The following PECAM1 variants were observed in gnomAD, a reference collection of about 807,000 sequenced individuals.
PECAM1 encodes platelet endothelial cell adhesion molecule.
In PECAM1, 8 loss-of-function variants were observed where a neutral mutation model predicts 13.8. That is an observed-to-expected ratio of 0.58 (90% CI 0.34 to 1.05). The LOEUF is 1.05. PECAM1 is among the 50% of genes least tolerant of loss of function. PECAM1 has a pLI of 0.03. For synonymous variants in PECAM1, 136 were observed against 52.6 expected (o/e 2.58, Z -6.86); for missense variants, 304 against 141.2 (o/e 2.15, Z -5.84).
At chr17:64,349,798 T>C (rs1168162782) in intron 12 of PECAM1, among the ~76,000 whole-genome samples, 2 of 151,864 alleles carry the variant, frequency 1.3e-5, no homozygotes, top group Non-Finnish European at 2.9e-5. Context: ...GGCAGGAGAA[T>C]TGCTTGAACC....
chr17:64,376,130 C>G (rs1315560608), intron 3 of PECAM1, among the ~76,000 whole-genome samples: 1 of 152,030 alleles, frequency 6.6e-6, no homozygotes, highest in Admixed American at 6.6e-5. Context: ...ATGGCGAAAC[C>G]CCATCTCTAT....
chr17:64,372,592 T>C (rs1300426773), intron 4 of PECAM1, among the ~76,000 whole-genome samples: 1 of 151,984 alleles, frequency 6.6e-6, no homozygotes, highest in Non-Finnish European at 1.5e-5. Flanking sequence ...AACCTCCACC[T>C]TCCAGGTTCA....
chr17:64,341,886 A>C (rs973258987), intron 13 of PECAM1, among the ~76,000 whole-genome samples, 196 bp from the exon 14 acceptor site: 2 of 152,122 alleles, frequency 1.3e-5, no homozygotes, highest in Non-Finnish European at 2.9e-5. Context: ...AAGGTGGCTC[A>C]TACCTGTAAT....
In PECAM1 at chr17:64,320,838, G is replaced by A. The variant is rs528491772; in HGVS notation, c.*2978C>T. 1 of 152,294 alleles carries A rather than the reference G, an allele frequency of 6.6e-6. No individual in the cohort carries two copies. Among genetic ancestry groups the A allele is most frequent in the East Asian group, 1.9e-4 (1 of 5,186 alleles). 9.4% of individuals were successfully genotyped at this position (152,294 alleles called of 1,614,324 possible). A position where few individuals can be genotyped will look rare whatever the true frequency, so the allele number is the denominator to read the frequency against. On this transcript the variant is annotated 3_prime_UTR_variant, in exon 16 of 16. Transcript: ENST00000563924. The stretch of plus-strand genomic sequence containing the variant: ...CAACCTGGCCATTATTGGCATTTGG[G>A]ACTTGATCATGCTTGGTCGTGGGAG...
chr17:64,330,713 A>C (rs1555646544), intron 14 of PECAM1, among the ~76,000 whole-genome samples: 2 of 151,800 alleles, frequency 1.3e-5, no homozygotes, highest in Non-Finnish European at 2.9e-5. Context: ...GTAGCAGATA[A>C]AAATGATATC....
At chr17:64,364,406 C>A (rs1339825152) in intron 5 of PECAM1, among the ~76,000 whole-genome samples, 1 of 151,964 alleles carries the variant, frequency 6.6e-6, no homozygotes, top group Non-Finnish European at 1.5e-5. Context: ...CAAGGAGGAA[C>A]TGGTACCATT....
chr17:64,369,360 T>A (rs1231514128), intron 5 of PECAM1, among the ~76,000 whole-genome samples: 1 of 152,156 alleles, frequency 6.6e-6, no homozygotes, highest in African/African-American at 2.4e-5. Context: ...AATGAAAACA[T>A]TAACCAGTGT....
At chr17:64,348,210 T>A in intron 13 of PECAM1, 50 bp downstream of exon 13, 1 of 474,288 alleles carries the variant, frequency 2.1e-6, no homozygotes, top group Non-Finnish European at 3.9e-6. Context: ...CACTGGGGTT[T>A]AAACCCAAGC....
At chr17:64,353,940 C>CTTT (rs11446231) in intron 9 of PECAM1, among the ~76,000 whole-genome samples, 1 of 130,126 alleles carries the variant, frequency 7.7e-6, no homozygotes, top group Non-Finnish European at 1.7e-5. Context: ...CTCTCTCTCT[C>CTTT]TTTTTTTTTT....
intron 6 of PECAM1, among the ~76,000 whole-genome samples, chr17:64,360,760 G>C (rs2035954835): frequency 6.7e-6 from 1 of 150,066 alleles, no homozygotes; most frequent in African/African-American, 2.5e-5. Context: ...TACTTTTCTT[G>C]TGTTGAGCAA....
chr17:64,341,051 G>A (rs1247884074), intron 14 of PECAM1, among the ~76,000 whole-genome samples: 3 of 146,852 alleles, frequency 2.0e-5, no homozygotes, highest in East Asian at 4.0e-4. Context: ...AGCCGAGATC[G>A]CTCCATTGCA....
intron 4 of PECAM1, 45 bp from the exon 5 acceptor site, chr17:64,370,070 G>T: frequency 2.5e-6 from 1 of 398,538 alleles, no homozygotes; most frequent in Middle Eastern, 6.3e-4. Context: ...GTGCAAACCT[G>T]GGCAAGAGGA....
At chr17:64,376,417 C>G (rs1384238475) in intron 3 of PECAM1, among the ~76,000 whole-genome samples, 1 of 152,178 alleles carries the variant, frequency 6.6e-6, no homozygotes, top group Non-Finnish European at 1.5e-5. Flanking sequence ...AGGACACAAT[C>G]AGATTCCCAA....
Position 64,323,622 on chromosome 17 carries a change from C to T in PECAM1, c.*194G>A. ...GTATGTGGGAAATTCAACAGCCCCT[C>T]TGTATCTCTTTCTACCCAACATTAA... is the stretch of plus-strand genomic sequence containing the variant. On this transcript the variant is annotated 3_prime_UTR_variant, in exon 16 of 16. Transcript: ENST00000563924. 2.1e-6 allele frequency: 3 copies of T among 1,447,952 alleles called. No individual in the cohort carries two copies. The highest frequency in any genetic ancestry group is 2.7e-6 in the Non-Finnish European group (3 of 1,104,290). 89.7% of individuals were successfully genotyped at this position (1,447,952 alleles called of 1,614,324 possible).
At position 64,363,217 on chromosome 17, in the gene PECAM1, G is replaced by A. The variant is rs1008730500; in HGVS notation, c.1148C>T (p.Thr383Met). 20 of 475,236 alleles carry A rather than the reference G, an allele frequency of 4.2e-5. No homozygotes were observed. Among genetic ancestry groups the A allele is most frequent in the Admixed American group, 6.3e-5 (2 of 31,726 alleles). 29.4% of individuals were successfully genotyped at this position (475,236 alleles called of 1,614,324 possible). The change falls in exon 6 of 16, where the codon ACG (threonine) becomes ATG (methionine). Residue 383 changes from threonine to methionine, a missense_variant. Thr to Met is a moderately conservative substitution (Grantham distance 81). Transcript: ENST00000563924. Reference protein sequence around the residue: ...TKIASKSDSGTYICTAGIDKV... With the variant: ...TKIASKSDSGMYICTAGIDKV... ...GTCAATACCTGCAGTGCAGATATAC[G>A]TCCCACTGTCCGACTTTGAGGCTAT...
At position 64,323,082 on chromosome 17, in the gene PECAM1, G is replaced by A; in HGVS notation, c.*734C>T. 1 of 984,352 alleles carries A rather than the reference G, an allele frequency of 1.0e-6. No individual in the cohort carries two copies. Among genetic ancestry groups the A allele is most frequent in the Non-Finnish European group, 1.2e-6 (1 of 828,942 alleles). The allele number at this position is 984,352 out of a possible 1,614,324, so 61.0% of individuals were successfully genotyped here. A position where few individuals can be genotyped will look rare whatever the true frequency, so the allele number is the denominator to read the frequency against. On this transcript the variant is annotated 3_prime_UTR_variant, in exon 16 of 16. Coordinates refer to ENST00000563924, the MANE Select transcript of PECAM1 (RefSeq NM_000442.5). ...TTTTCAATTAAGAATAATATTTGCT[G>A]ATGGCACCATCTTCCTGTCTTTCAG...
chr17:64,340,165 A>C (rs2035389923), intron 14 of PECAM1, among the ~76,000 whole-genome samples: 1 of 152,134 alleles, frequency 6.6e-6, no homozygotes, highest in Admixed American at 6.6e-5. Flanking sequence ...CAAAAAAACA[A>C]AACAAAACAC....
chr17:64,361,753 C>CAAAAAAAAAAAAAAAAAAAAAAAAAAAA (rs61144320), intron 6 of PECAM1, among the ~76,000 whole-genome samples: 1 of 68,136 alleles, frequency 1.5e-5, no homozygotes, highest in African/African-American at 6.4e-5. Context: ...AACTCCATCT[C>CAAAAAAAAAAAAAAAAAAAAAAAAAAAA]AAAAAAAAAA....
At chr17:64,359,522 AT>A (rs2035924263) in intron 7 of PECAM1, among the ~76,000 whole-genome samples, 1 of 152,168 alleles carries the variant, frequency 6.6e-6, no homozygotes, top group African/African-American at 2.4e-5. Flanking sequence ...AGAACAGTGT[AT>A]CTGAAAAGGA....
Sources: gnomAD v4.1 joint callset for allele counts (sites outside exome capture counted in the v4.1 genomes callset) on GRCh38, gnomAD v4.1.1 for gene constraint, MANE v1.5 for transcripts, NCBI Gene and HGNC (gene_info 2026-07-23, HGNC 2026-07-21) for gene names.